The following CXXC1 variants were observed in gnomAD, a reference collection of about 807,000 sequenced individuals.
CXXC1 encodes the protein CXXC-type zinc finger protein 1.
A neutral mutation model predicts 83.6 loss-of-function variants in CXXC1; 21 were observed. That is an observed-to-expected ratio of 0.25 (90% CI 0.18 to 0.36). The LOEUF (loss-of-function observed/expected upper bound fraction) is 0.36. Among genes scored for constraint, CXXC1 ranks in the 10% least tolerant of loss-of-function variants. The pLI is 1.00. For synonymous variants in CXXC1, 371 were observed against 337.5 expected, an observed-to-expected ratio of 1.10 and a Z score of -1.09; for missense variants, 688 against 919.5, an observed-to-expected ratio of 0.75 and a Z score of 3.26.
At position 50,283,756 on chromosome 18, in the gene CXXC1, G is replaced by A; in HGVS notation, c.1473C>T (p.His491=). ...DLQIFCVSCG[H]PINPRVALRH... ...GCAAGGCAACACGTGGGTTGATGGG[G>A]TGCCCACAGGAAACACAGAAGATCT... The change falls in exon 11 of 15, where the codon CAC becomes CAT. Residue 491 remains histidine (H), a synonymous_variant. Coordinates refer to ENST00000285106, the MANE Select transcript of CXXC1 (RefSeq NM_014593.4). The A allele has an allele frequency of 1.2e-6, 2 of 1,614,240 alleles. No individual in the cohort carries two copies. The highest frequency in any genetic ancestry group is 1.3e-5 in the African/African-American group (1 of 75,048).
chr18:50,286,068 G>A lies in CXXC1; in HGVS notation c.413C>T (p.Ser138Leu), dbSNP rs773971072. Reference sequence around the variant, plus strand: ...GGGCTGCGGAGAGGATTTGTGGGGCGAAGCAGAGCCCCGAGCAAGCATGGC... The same window carrying A: ...GGGCTGCGGAGAGGATTTGTGGGGCAAAGCAGAGCCCCGAGCAAGCATGGC... ...VGAMLARGSA[S>L]PHKSSPQPLV... is the part of the protein sequence containing the mutation. The change falls in exon 4 of 15, where the codon TCG (serine) becomes TTG (leucine). Residue 138 changes from serine to leucine, a missense_variant. By Grantham distance (145) the Ser-to-Leu change is moderately radical. Transcript: ENST00000285106. 19 of 1,613,818 alleles carry A rather than the reference G, an allele frequency of 1.2e-5. No individual in the cohort carries two copies. Among genetic ancestry groups the A allele is most frequent in the Admixed American group, 6.7e-5 (4 of 60,000 alleles).
chr18:50,283,384 G>T, intron 12 of CXXC1, 23 bp from the exon 13 acceptor site: 1 of 1,606,396 alleles, frequency 6.2e-7, no homozygotes, highest in Non-Finnish European at 8.5e-7. Context: ...AGTAGAGAGG[G>T]CAGTAGAGGG....
Position 50,284,109 on chromosome 18 carries a change from G to A in CXXC1, c.1206-8C>T, listed in dbSNP as rs201144899. ...AGGATCTCGTAGATGCGGCTGCAGG[G>A]AAGGTAGCAAGCAACAGAATGAGTG... On this transcript the variant is annotated splice_polypyrimidine_tract_variant and splice_region_variant and intron_variant, in intron 9 of 14. Transcript: ENST00000285106. 1.1e-4 allele frequency: 178 copies of A among 1,600,918 alleles called. No individual in the cohort carries two copies. The highest frequency in any genetic ancestry group is 1.5e-4 in the Non-Finnish European group (171 of 1,175,938).
rs2149299278 is a variant in CXXC1, at chr18:50,285,839, G to A, written c.549C>T (p.His183=). ...EACRRTEDCG[H]CDFCRDMKKF... is the part of the protein sequence containing the mutation. ...TCTTCATGTCCCGACAGAAATCACA[G>A]TGACCACAGTCCTCAGTGCGCCGAC... Residue 183 remains histidine, a synonymous_variant, in exon 5 of 15, where the codon CAC becomes CAT. Transcript: ENST00000285106. This position sits in a 1 kb window ranked among gnomAD's most constrained non-coding sequence, Gnocchi z 4.4. The A allele has an allele frequency of 6.2e-7, 1 of 1,614,212 alleles. No homozygotes were observed. Among genetic ancestry groups the A allele is most frequent in the Middle Eastern group, 1.6e-4 (1 of 6,062 alleles).
Position 50,285,510 on chromosome 18 carries a change from G to A in CXXC1, c.640-159C>T. The A allele has an allele frequency of 2.0e-6, 2 of 1,011,112 alleles. No individual in the cohort carries two copies. The highest frequency in any genetic ancestry group is 2.9e-5 in the Admixed American group (1 of 34,930). The allele number at this position is 1,011,112 out of a possible 1,614,324, so 62.6% of individuals were successfully genotyped here. On this transcript the variant is annotated intron_variant, in intron 5 of 14. Coordinates refer to ENST00000285106, the MANE Select transcript of CXXC1 (RefSeq NM_014593.4). The surrounding 1 kb of genome is among the most constrained non-coding windows in gnomAD (Gnocchi z 4.4). ...AGCCCTGCCTGATCTGTACCAACAT[G>A]CATGACCACCTGAAAACACCTGGCC...
rs763343587 is a variant in CXXC1 at position 50,286,102 on chromosome 18, C to G, written c.379G>C (p.Gly127Arg). ...DLQRRAGSGT[G>R]VGAMLARGSA... is the part of the protein sequence containing the mutation. The stretch of plus-strand genomic sequence containing the variant: ...CCCCGAGCAAGCATGGCCCCAACCC[C>G]TGTCCCTGACCCTGCCCGGCGCTGC... The change falls in exon 4 of 15, where the codon GGG (glycine) becomes CGG (arginine). Residue 127 changes from glycine to arginine, a missense_variant. By Grantham distance (125) the Gly-to-Arg change is moderately radical (BLOSUM62 -2). Around this residue, in one of 9 missense-constraint regions of CXXC1, gnomAD observed 142 missense variants for 150.7 expected, o/e 0.94. Coordinates refer to ENST00000285106, the MANE Select transcript of CXXC1 (RefSeq NM_014593.4). 3 of 1,614,024 alleles carry G rather than the reference C, an allele frequency of 1.9e-6. No individual in the cohort carries two copies. Among genetic ancestry groups the G allele is most frequent in the Non-Finnish European group, 2.5e-6 (3 of 1,180,006 alleles).
chr18:50,287,362 C>A (rs1273951319), intron 1 of CXXC1: 3 of 582,608 alleles, frequency 5.1e-6, no homozygotes, highest in Non-Finnish European at 9.2e-6. Context: ...TGGTTTCCCA[C>A]GGAACTGCCA....
At chr18:50,283,421 C>T (rs2040638743) in intron 12 of CXXC1, 60 bp from the exon 13 acceptor site, 9 of 1,603,448 alleles carry the variant, frequency 5.6e-6, no homozygotes, top group Non-Finnish European at 7.7e-6. Flanking sequence ...TCTGTCCTGG[C>T]TGGTTGCCCG....
At chr18:50,284,269 C>A in intron 9 of CXXC1, 109 bp downstream of exon 9, 1 of 1,500,280 alleles carries the variant, frequency 6.7e-7, no homozygotes. Flanking sequence ...TGGGTAGTGG[C>A]TGTTTGGTGA....
intron 13 of CXXC1, 109 bp downstream of exon 13, chr18:50,283,156 G>C (rs577963602): frequency 7.8e-7 from 1 of 1,280,010 alleles, no homozygotes; most frequent in South Asian, 1.2e-5. Context: ...CAGCAGGGAA[G>C]CTGAGAGGAA....
rs2040695355 is a variant in CXXC1, at chr18:50,285,256, C to T, written c.667-9G>A. 1 of 1,613,886 alleles carries T rather than the reference C, an allele frequency of 6.2e-7. No individual in the cohort carries two copies. Among genetic ancestry groups the T allele is most frequent in the African/African-American group, 1.3e-5 (1 of 74,942 alleles). On this transcript the variant is annotated splice_polypyrimidine_tract_variant and intron_variant, in intron 6 of 14. Transcript: ENST00000285106. The surrounding 1 kb of genome is among the most constrained non-coding windows in gnomAD (Gnocchi z 4.4). Reference sequence around the variant, plus strand: ...GGCGTCACTGGTGAGAGCTGCAGGGCAGAATCTCAGGACTGGCCCTGACCG... The same window carrying T: ...GGCGTCACTGGTGAGAGCTGCAGGGTAGAATCTCAGGACTGGCCCTGACCG...
rs199685341 is a variant in CXXC1 at position 50,287,604 on chromosome 18, C to A, written c.-15G>T. 1.9e-6 allele frequency: 3 copies of A among 1,610,936 alleles called. No individual in the cohort carries two copies. The highest frequency in any genetic ancestry group is 1.7e-5 in the Admixed American group (1 of 59,986). Reference sequence around the variant, plus strand: ...CTACTTACCATATCTCCGCTCCCGGCGCACTCCCTCACGACCCCCGCCAGC... The same window carrying A: ...CTACTTACCATATCTCCGCTCCCGGAGCACTCCCTCACGACCCCCGCCAGC... On this transcript the variant is annotated 5_prime_UTR_variant, in exon 1 of 15. Coordinates refer to ENST00000285106, the MANE Select transcript of CXXC1 (RefSeq NM_014593.4).
chr18:50,284,336 A>G (rs2040677836), intron 9 of CXXC1, 42 bp downstream of exon 9: 1 of 1,517,726 alleles, frequency 6.6e-7, no homozygotes, highest in Non-Finnish European at 8.8e-7. Context: ...AGGCCCTACC[A>G]TGCACTTCCT....
chr18:50,282,795 C>T lies in CXXC1; in HGVS notation c.1825-56G>A, dbSNP rs1055585012. 451 of 1,611,690 alleles carry T rather than the reference C, an allele frequency of 2.8e-4. No individual in the cohort carries two copies. Among genetic ancestry groups the T allele is most frequent in the Non-Finnish European group, 3.6e-4 (427 of 1,178,224 alleles). Reference sequence around the variant, plus strand: ...GGAACACCTGCAGCCCCGCCTGCCCCGGCCACGTCCGACATGGAAACCTAC... The same window carrying T: ...GGAACACCTGCAGCCCCGCCTGCCCTGGCCACGTCCGACATGGAAACCTAC... On this transcript the variant is annotated intron_variant, in intron 14 of 14. Transcript: ENST00000285106. This position sits in a 1 kb window ranked among gnomAD's most constrained non-coding sequence, Gnocchi z 5.8.
chr18:50,286,730 C>T lies in CXXC1; in HGVS notation c.122+10G>A. The stretch of plus-strand genomic sequence containing the variant: ...CCAGTGTCAGCCCCGCCCATCTCTC[C>T]CGCGCTCACATCATGAAGCAGTTGA... On this transcript the variant is annotated intron_variant, in intron 2 of 14. Coordinates refer to ENST00000285106, the MANE Select transcript of CXXC1 (RefSeq NM_014593.4). The T allele has an allele frequency of 6.2e-7, 1 of 1,612,644 alleles. No individual in the cohort carries two copies. The highest frequency in any genetic ancestry group is 1.7e-4 in the Middle Eastern group (1 of 6,060).
Position 50,285,588 on chromosome 18 carries a change from G to A in CXXC1, c.639+161C>T. On this transcript the variant is annotated intron_variant, in intron 5 of 14. Transcript: ENST00000285106. The surrounding 1 kb of genome is among the most constrained non-coding windows in gnomAD (Gnocchi z 4.4). Reference sequence around the variant, plus strand: ...GGTGTTCTGCCAGCCCAGCATACCAGGTCATGCCCCATTCATCTGGACATG... The same window carrying A: ...GGTGTTCTGCCAGCCCAGCATACCAAGTCATGCCCCATTCATCTGGACATG... 2.9e-6 allele frequency: 3 copies of A among 1,044,264 alleles called. No homozygotes were observed. The highest frequency in any genetic ancestry group is 4.2e-6 in the Non-Finnish European group (3 of 722,098). 64.7% of individuals were successfully genotyped at this position (1,044,264 alleles called of 1,614,324 possible).
In CXXC1 at chr18:50,285,267, G is replaced by A. The variant is rs746381466; in HGVS notation, c.667-20C>T. ...TGAGAGCTGCAGGGCAGAATCTCAG[G>A]ACTGGCCCTGACCGCCCTGCCCGCA... On this transcript the variant is annotated intron_variant, in intron 6 of 14. Coordinates refer to ENST00000285106, the MANE Select transcript of CXXC1 (RefSeq NM_014593.4). The surrounding 1 kb of genome is among the most constrained non-coding windows in gnomAD (Gnocchi z 4.4). The A allele has an allele frequency of 1.2e-6, 2 of 1,613,558 alleles. No homozygotes were observed. Among genetic ancestry groups the A allele is most frequent in the South Asian group, 2.2e-5 (2 of 91,052 alleles).
chr18:50,285,511 C>A lies in CXXC1; in HGVS notation c.640-160G>T, dbSNP rs1315837110. On this transcript the variant is annotated intron_variant, in intron 5 of 14. Coordinates refer to ENST00000285106, the MANE Select transcript of CXXC1 (RefSeq NM_014593.4). This position sits in a 1 kb window ranked among gnomAD's most constrained non-coding sequence, Gnocchi z 4.4. Reference sequence around the variant, plus strand: ...GCCCTGCCTGATCTGTACCAACATGCATGACCACCTGAAAACACCTGGCCC... The same window carrying A: ...GCCCTGCCTGATCTGTACCAACATGAATGACCACCTGAAAACACCTGGCCC... 7 of 1,008,276 alleles carry A rather than the reference C, an allele frequency of 6.9e-6. No homozygotes were observed. Among genetic ancestry groups the A allele is most frequent in the Non-Finnish European group, 1.0e-5 (7 of 695,858 alleles). 62.5% of individuals were successfully genotyped at this position (1,008,276 alleles called of 1,614,324 possible).
intron 1 of CXXC1, 26 bp from the exon 2 acceptor site, chr18:50,286,884 C>T: frequency 6.6e-7 from 1 of 1,514,852 alleles, no homozygotes; most frequent in Non-Finnish European, 9.2e-7. Context: ...ATTACGGATC[C>T]TTAAGCAGCC....
Sources: gnomAD v4.1 joint callset for allele counts on GRCh38, gnomAD v4.1.1 for gene constraint, gnomAD v4.1.1 regional missense constraint, Gnocchi (gnomAD v3.1) non-coding constraint, MANE v1.5 for transcripts, NCBI Gene and HGNC (gene_info 2026-07-23, HGNC 2026-07-21) for gene names.